The following CGN variants were observed in gnomAD, a reference collection of about 807,000 sequenced individuals.
CGN encodes the protein cingulin.
Under a neutral mutation model 157.1 loss-of-function variants are expected in CGN, and 121 were observed. The ratio of observed to expected loss-of-function variants is 0.77; its 90% CI spans 0.66 to 0.90. The LOEUF (loss-of-function observed/expected upper bound fraction) is 0.90. Ranked by LOEUF, CGN falls within the 40% of genes least tolerant of loss-of-function variation. CGN has a pLI of 0.00. For synonymous variants in CGN, 535 were observed against 607.5 expected (o/e 0.88, Z 1.76); for missense variants, 1,424 against 1,520.9 (o/e 0.94, Z 1.06).
intron 2 of CGN, among the ~76,000 whole-genome samples, chr1:151,519,849 A>G (rs566384659): frequency 1.3e-5 from 2 of 152,358 alleles, no homozygotes; most frequent in Admixed American, 1.3e-4. Context: ...AATTATTTAT[A>G]AACTCTAGCA....
chr1:151,533,872 T>G, intron 14 of CGN, 103 bp from the exon 15 acceptor site: 1 of 947,010 alleles, frequency 1.1e-6, no homozygotes, highest in East Asian at 2.8e-5. Flanking sequence ...TTCTAAAGAG[T>G]GACAGTGATG....
intron 10 of CGN, among the ~76,000 whole-genome samples, chr1:151,528,289 A>AG (rs1664745625): frequency 6.6e-6 from 1 of 150,824 alleles, no homozygotes; most frequent in Non-Finnish European, 1.5e-5. Flanking sequence ...ACCCAGCCTC[A>AG]CACTGTATTT....
chr1:151,530,092 C>G lies in CGN; in HGVS notation c.2290C>G (p.Arg764Gly), dbSNP rs148329413. ...TGGGGAAGCGGTGGAGGCACGACTA[C>G]GGGACAAGCTGCAGCGGCTGGAGGT... ...DGGEAVEARLRDKLQRLEAEK... is the reference protein window; with the variant it reads ...DGGEAVEARLGDKLQRLEAEK... The change falls in exon 12 of 21, where the codon CGG becomes GGG. Residue 764 changes from arginine (R) to glycine (G), a missense_variant. Transcript: ENST00000271636. 5.0e-6 allele frequency: 8 copies of G among 1,613,106 alleles called. No individual in the cohort carries two copies. In the African/African-American group the frequency reaches 1.1e-4, roughly 22 times the overall value.
chr1:151,529,050 C>T (rs566589799), intron 10 of CGN, among the ~76,000 whole-genome samples: 31 of 152,240 alleles, frequency 2.0e-4, no homozygotes, highest in African/African-American at 7.0e-4. Context: ...GTCATCAATT[C>T]GTGGACATCT....
In CGN at chr1:151,538,147, CG is replaced by C. The variant is rs1665013251; in HGVS notation, c.*806del. ...CTTTGGTAGGGTCATGATAAAGTGGCGGGGGTCTGGTCCTGCTCAGGGTTTT... is the reference window on the plus strand; with the variant it reads ...CTTTGGTAGGGTCATGATAAAGTGGCGGGGTCTGGTCCTGCTCAGGGTTTT... On this transcript the variant is annotated 3_prime_UTR_variant, in exon 21 of 21. Transcript: ENST00000271636. 3.3e-5 allele frequency: 5 copies of C among 152,810 alleles called. No homozygotes were observed. The highest frequency in any genetic ancestry group is 3.4e-3 in the Middle Eastern group (1 of 298). The allele number at this position is 152,810 out of a possible 1,614,324, so 9.5% of individuals were successfully genotyped here. A position where few individuals can be genotyped will look rare whatever the true frequency, so the allele number is the denominator to read the frequency against.
chr1:151,534,869 C>T, intron 15 of CGN, 173 bp from the exon 16 acceptor site: 1 of 600,270 alleles, frequency 1.7e-6, no homozygotes, highest in Non-Finnish European at 3.0e-6. Flanking sequence ...CACATCTGGT[C>T]AGTAGAGGGC....
rs1664979329 is a variant in CGN at position 151,536,817 on chromosome 1, C to T, written c.3394C>T (p.Gln1132Ter). 2 of 1,614,016 alleles carry T rather than the reference C, an allele frequency of 1.2e-6. No individual in the cohort carries two copies. The highest frequency in any genetic ancestry group is 1.3e-5 in the African/African-American group (1 of 74,908). ...ERLDGLRKKA[Q>*]REVEEQHEVN... Reference sequence around the variant, plus strand: ...ACTGGACGGCCTGAGGAAGAAGGCCCAGCGTGAGGTGGAGGAGCAGCATGA... The same window carrying T: ...ACTGGACGGCCTGAGGAAGAAGGCCTAGCGTGAGGTGGAGGAGCAGCATGA... The change falls in exon 20 of 21, where the codon CAG becomes TAG. Residue 1132 changes from glutamine (Q) to a stop codon, truncating the protein, a stop_gained. Coordinates refer to ENST00000271636, the MANE Select transcript of CGN (RefSeq NM_020770.3). LOFTEE classifies it high-confidence loss of function.
chr1:151,537,605 A>G lies in CGN; in HGVS notation c.*259A>G, dbSNP rs1664998947. 2.5e-6 allele frequency: 1 copy of G among 405,376 alleles called. No homozygotes were observed. Among genetic ancestry groups the G allele is most frequent in the South Asian group, 4.6e-5 (1 of 21,618 alleles). The allele number at this position is 405,376 out of a possible 1,614,324, so 25.1% of individuals were successfully genotyped here. ...TGCCGACACCTCCCTCATCTCTCTT[A>G]TAGTGGAAGGATGGTCAGCATTAGG... On this transcript the variant is annotated 3_prime_UTR_variant, in exon 21 of 21. Coordinates refer to ENST00000271636, the MANE Select transcript of CGN (RefSeq NM_020770.3).
chr1:151,513,446 G>A (rs748983470), intron 1 of CGN, among the ~76,000 whole-genome samples: 15 of 152,122 alleles, frequency 9.9e-5, no homozygotes, highest in Non-Finnish European at 1.9e-4. Context: ...CTAACTATGA[G>A]AAAAAGGGTG....
At chr1:151,529,326 A>G (rs1000594811) in intron 10 of CGN, 24 bp from the exon 11 acceptor site, 77 of 1,605,906 alleles carry the variant, frequency 4.8e-5, no homozygotes, top group Non-Finnish European at 6.3e-5. Flanking sequence ...TGGGTGCCCC[A>G]TCACCATTCC....
chr1:151,527,976 G>C (rs1664731496), intron 10 of CGN: 1 of 84,106 alleles, frequency 1.2e-5, no homozygotes, highest in Non-Finnish European at 2.0e-5. Context: ...TTTTTTTTGA[G>C]ACGGAGTCTC....
At chr1:151,529,592 G>A (rs373571871) in intron 11 of CGN, 33 bp downstream of exon 11, 9 of 1,581,482 alleles carry the variant, frequency 5.7e-6, no homozygotes, top group Non-Finnish European at 7.8e-6. Flanking sequence ...TTAGGAGGTG[G>A]AGGCTGAGGG....
chr1:151,536,268 A>C lies in CGN; in HGVS notation c.3229A>C (p.Lys1077Gln), dbSNP rs748872901. ...EKTVLQSTNR[K>Q]LERKVKELSI... is the part of the protein sequence containing the mutation. ...GACAGTTCTGCAGTCTACCAATCGA[A>C]AACTGGAGCGGAAAGTTAAAGAACT... Residue 1077 changes from lysine (K) to glutamine (Q), a missense_variant, in exon 19 of 21, where the codon AAA becomes CAA. Physicochemically the swap from Lys to Gln is moderately conservative, Grantham distance 53. This residue lies in a region of CGN where 199 missense variants were observed against 272.2 expected (regional missense o/e 0.73). Transcript: ENST00000271636. 1 of 1,611,974 alleles carries C rather than the reference A, an allele frequency of 6.2e-7. No individual in the cohort carries two copies. Among genetic ancestry groups the C allele is most frequent in the Non-Finnish European group, 8.5e-7 (1 of 1,178,180 alleles).
At chr1:151,535,195 A>C in intron 16 of CGN, 64 bp downstream of exon 16, 18 of 1,232,316 alleles carry the variant, frequency 1.5e-5, no homozygotes, top group African/African-American at 1.5e-5. Flanking sequence ...TTCTCTCAAA[A>C]ACAACTCTAC....
Position 151,535,117 on chromosome 1 carries a change from C to A in CGN, c.2980C>A (p.Arg994Ser), listed in dbSNP as rs571105135. ...TVELLTDRVN[R>S]GRDQVDQLRT... The stretch of plus-strand genomic sequence containing the variant: ...GGAGCTGCTAACAGATCGGGTGAAT[C>A]GTGGCCGGGACCAGGTAACCGCCCC... The change falls in exon 16 of 21, where the codon CGT (arginine) becomes AGT (serine). Residue 994 changes from arginine to serine, a missense_variant. Around this residue, in one of 3 missense-constraint regions of CGN, gnomAD observed 199 missense variants for 272.2 expected, o/e 0.73. Transcript: ENST00000271636. 5.6e-6 allele frequency: 9 copies of A among 1,613,616 alleles called. No homozygotes were observed. The East Asian group carries it at 1.6e-4, about 28-fold the overall frequency.
chr1:151,533,879 G>A, intron 14 of CGN, 96 bp from the exon 15 acceptor site: 1 of 1,029,768 alleles, frequency 9.7e-7, no homozygotes, highest in Non-Finnish European at 1.4e-6. Flanking sequence ...GAGTGACAGT[G>A]ATGAAATGTT....
rs1664864041 is a variant in CGN at position 151,532,582 on chromosome 1, T to C, written c.2742+10T>C. ...CCGACTTCAGGATGAGGTAGAAGTC[T>C]AATATCCTTGGGTTTGAAGGTCCTT... On this transcript the variant is annotated intron_variant, in intron 14 of 20. Coordinates refer to ENST00000271636, the MANE Select transcript of CGN (RefSeq NM_020770.3). 6.8e-7 allele frequency: 1 copy of C among 1,465,326 alleles called. No homozygotes were observed. Among genetic ancestry groups the C allele is most frequent in the Non-Finnish European group, 9.1e-7 (1 of 1,104,878 alleles). 90.8% of individuals were successfully genotyped at this position (1,465,326 alleles called of 1,614,324 possible).
chr1:151,514,888 G>C (rs1419351322), intron 1 of CGN, among the ~76,000 whole-genome samples: 3 of 152,166 alleles, frequency 2.0e-5, no homozygotes, highest in Non-Finnish European at 2.9e-5. Flanking sequence ...GGACAAAGTA[G>C]CATGTGTGAA....
At chr1:151,535,261 G>T in intron 16 of CGN, 130 bp downstream of exon 16, 1 of 735,326 alleles carries the variant, frequency 1.4e-6, no homozygotes. Flanking sequence ...GTCTCCTTCA[G>T]GGTTTTGTCT....
Sources: allele counts gnomAD v4.1 joint callset (sites outside exome capture counted in the v4.1 genomes callset), GRCh38; gene constraint gnomAD v4.1.1; regional missense constraint gnomAD v4.1.1; transcripts MANE v1.5; gene names NCBI Gene and HGNC (gene_info 2026-07-23, HGNC 2026-07-21).